DYSF: variants seen among roughly 807,000 people sequenced by gnomAD.
DYSF encodes the protein dysferlin.
DYSF carries 212 observed loss-of-function variants against 274.9 expected under a neutral mutation model. That is an observed-to-expected ratio of 0.77 (90% CI 0.69 to 0.86). The LOEUF (loss-of-function observed/expected upper bound fraction) is 0.86. Ranked by LOEUF, DYSF falls within the 40% of genes least tolerant of loss-of-function variation. The pLI, the probability that DYSF is intolerant of heterozygous loss-of-function variation, is 0.00. For missense variants in DYSF, 2,666 were observed against 2,783.2 expected (o/e 0.96, Z 0.95); for synonymous variants, 1,091 against 1,078.7 (o/e 1.01, Z -0.22).
At chr2:71,461,688 G>A (rs2081289664) in intron 1 of DYSF, among the ~76,000 whole-genome samples, 1 of 152,230 alleles carries the variant, frequency 6.6e-6, no homozygotes, top group South Asian at 2.1e-4. Context: ...TGACCAGCTA[G>A]GAGGCACCTG....
Position 71,613,497 on chromosome 2 carries a change from T to TA in DYSF, c.4464+88dup, listed in dbSNP as rs2093815642. 113 of 1,142,086 alleles carry TA rather than the reference T, an allele frequency of 9.9e-5. 3 individuals are homozygous for TA. The South Asian group carries it at 1.5e-3, about 15-fold the overall frequency. The allele number at this position is 1,142,086 out of a possible 1,614,324, so 70.7% of individuals were successfully genotyped here. A position where few individuals can be genotyped will look rare whatever the true frequency, so the allele number is the denominator to read the frequency against. On this transcript the variant is annotated intron_variant, in intron 40 of 55. Coordinates refer to ENST00000410020, the MANE Select transcript of DYSF (RefSeq NM_001130987.2). ...CCACCCCTTCTCCCCTACCCTTCAT[T>TA]ATCACACAGCCTCTATACACATCCC...
chr2:71,532,353 C>G (rs1261640534), intron 14 of DYSF, among the ~76,000 whole-genome samples: 1 of 152,022 alleles, frequency 6.6e-6, no homozygotes, highest in African/African-American at 2.4e-5. Flanking sequence ...TACAGATGGA[C>G]AAATAGCCTT....
At chr2:71,482,811 T>C (rs1214283662) in intron 3 of DYSF, among the ~76,000 whole-genome samples, 1 of 152,130 alleles carries the variant, frequency 6.6e-6, no homozygotes, top group Non-Finnish European at 1.5e-5. Flanking sequence ...CTGCGTTAGA[T>C]GCCAGCAGGA....
intron 40 of DYSF, among the ~76,000 whole-genome samples, chr2:71,618,607 GGGTGTGGTA>G (rs2094004272): frequency 1.6e-5 from 1 of 61,596 alleles, no homozygotes; most frequent in African/African-American, 4.5e-5. Context: ...TAGAGGTGGT[GGGTGTGGTA>G]GAGGTGGTGT....
chr2:71,608,738 G>C (rs914568912), intron 36 of DYSF, among the ~76,000 whole-genome samples: 2 of 144,188 alleles, frequency 1.4e-5, no homozygotes, highest in Admixed American at 6.6e-5. Flanking sequence ...GAGCTCGAGG[G>C]AGCCCCGAGG....
At chr2:71,592,822 G>A (rs1239597926) in intron 32 of DYSF, among the ~76,000 whole-genome samples, 4 of 152,196 alleles carry the variant, frequency 2.6e-5, no homozygotes, top group African/African-American at 4.8e-5. Flanking sequence ...GGGGCTGCCC[G>A]GACATTGGGG....
chr2:71,510,549 C>CT (rs2152727017), intron 4 of DYSF, among the ~76,000 whole-genome samples: 1 of 152,334 alleles, frequency 6.6e-6, no homozygotes, highest in Non-Finnish European at 1.5e-5. Flanking sequence ...CTGAGCCCTG[C>CT]TTTCCACCAG....
chr2:71,507,175 A>G (rs2085569232), intron 4 of DYSF, among the ~76,000 whole-genome samples: 4 of 152,130 alleles, frequency 2.6e-5, no homozygotes, highest in Admixed American at 2.6e-4. Context: ...CACCTCTCAC[A>G]GAGATGGTGT....
chr2:71,645,920 G>A (rs1178167875), intron 42 of DYSF, among the ~76,000 whole-genome samples: 1 of 152,172 alleles, frequency 6.6e-6, no homozygotes, highest in Non-Finnish European at 1.5e-5. Context: ...GCCCTTTGGA[G>A]GGGACTGGAT....
rs2093467414 is a variant in DYSF, at chr2:71,598,757, C to A, written c.3756+12C>A. 1.2e-6 allele frequency: 2 copies of A among 1,609,870 alleles called. No homozygotes were observed. Among genetic ancestry groups the A allele is most frequent in the Non-Finnish European group, 8.5e-7 (1 of 1,179,950 alleles). ...ACCATGACACTTATGTGAGTCTGCC[C>A]AGCTCCTGCCTCGTCCCCTCACAGG... is the stretch of plus-strand genomic sequence containing the variant. On this transcript the variant is annotated intron_variant, in intron 33 of 55. Transcript: ENST00000410020.
chr2:71,578,231 G>A (rs565744796), intron 30 of DYSF, among the ~76,000 whole-genome samples: 4 of 152,210 alleles, frequency 2.6e-5, no homozygotes, highest in Admixed American at 1.3e-4. Flanking sequence ...GGGCCATCTC[G>A]GAGTAGCACA....
intron 40 of DYSF, among the ~76,000 whole-genome samples, chr2:71,617,628 A>ATGTGTGTGGCAGAGGTGGTG (rs771608575): frequency 1.4e-4 from 8 of 55,360 alleles, no homozygotes; most frequent in African/African-American, 2.4e-4. Flanking sequence ...GGTAGAGGTG[A>ATGTGTGTGGCAGAGGTGGTG]TGTGTGTGGC....
intron 51 of DYSF, 23 bp from the exon 52 acceptor site, chr2:71,674,174 T>C: frequency 1.9e-6 from 3 of 1,610,368 alleles, no homozygotes; most frequent in Non-Finnish European, 1.7e-6. Context: ...CTTGCATCCT[T>C]CTCTGTTCCT....
At chr2:71,607,642 G>A (rs1245540951) in intron 36 of DYSF, among the ~76,000 whole-genome samples, 1 of 152,148 alleles carries the variant, frequency 6.6e-6, no homozygotes, top group African/African-American at 2.4e-5. Flanking sequence ...CTGAGCAAAG[G>A]AGATGGGTGG....
chr2:71,527,362 C>T (rs147392658), intron 13 of DYSF, among the ~76,000 whole-genome samples: 13 of 152,246 alleles, frequency 8.5e-5, no homozygotes, highest in Admixed American at 2.6e-4. Context: ...CGGCTGCTGA[C>T]GTCAAGAAAT....
intron 26 of DYSF, among the ~76,000 whole-genome samples, chr2:71,568,606 G>C (rs1047939141): frequency 6.6e-6 from 1 of 151,846 alleles, no homozygotes; most frequent in Admixed American, 6.6e-5. Context: ...CTGTTTGGAG[G>C]CTGGAGTGCA....
intron 3 of DYSF, among the ~76,000 whole-genome samples, chr2:71,495,641 T>C (rs1394301577): frequency 2.6e-5 from 4 of 152,072 alleles, no homozygotes; most frequent in African/African-American, 9.7e-5. Context: ...TCTTTTTCAG[T>C]CTGAGCCGTA....
chr2:71,511,885 C>G lies in DYSF; in HGVS notation c.424C>G (p.Pro142Ala), dbSNP rs1419483491. The change falls in exon 5 of 56, where the codon CCC becomes GCC. Residue 142 changes from proline to alanine, a missense_variant. Transcript: ENST00000410020. Reference sequence around the variant, plus strand: ...GTTCCCGCCCCCTACTCCTCTGGAGCCCTCCCCGACTCTGCCTGACCTGGA... The same window carrying G: ...GTTCCCGCCCCCTACTCCTCTGGAGGCCTCCCCGACTCTGCCTGACCTGGA... ...PLFPPPTPLE[P>A]SPTLPDLDVV... 1.3e-6 allele frequency: 2 copies of G among 1,551,226 alleles called. No homozygotes were observed. The highest frequency in any genetic ancestry group is 1.7e-6 in the Non-Finnish European group (2 of 1,146,790).
intron 36 of DYSF, among the ~76,000 whole-genome samples, chr2:71,607,546 A>T (rs12472134): frequency 6.6e-6 from 1 of 152,010 alleles, no homozygotes; most frequent in African/African-American, 2.4e-5. Context: ...CAGATTGTAG[A>T]ACGCGTGGGC....
Sources: allele counts gnomAD v4.1 joint callset (sites outside exome capture counted in the v4.1 genomes callset), GRCh38; gene constraint gnomAD v4.1.1; transcripts MANE v1.5; gene names NCBI Gene and HGNC (gene_info 2026-07-23, HGNC 2026-07-21).